The following USP4 variants were observed in gnomAD, a reference collection of about 807,000 sequenced individuals.
The protein encoded by USP4 is ubiquitin specific peptidase 4.
A neutral mutation model predicts 118.2 loss-of-function variants in USP4; 72 were observed. The observed-to-expected ratio is 0.61, with a 90% CI of 0.50 to 0.74. The LOEUF (loss-of-function observed/expected upper bound fraction) is 0.74, where lower values mean the gene tolerates loss of function less well. USP4 is among the 30% of genes least tolerant of loss of function. USP4 has a pLI of 0.00. For missense variants in USP4, 1,037 were observed against 1,185.7 expected, an observed-to-expected ratio of 0.87 and a Z score of 1.84; for synonymous variants, 415 against 440.4, an observed-to-expected ratio of 0.94 and a Z score of 0.72.
At chr3:49,319,118 G>C (rs1164467079) in intron 6 of USP4, among the ~76,000 whole-genome samples, 1 of 150,600 alleles carries the variant, frequency 6.6e-6, no homozygotes, top group South Asian at 2.1e-4. Context: ...CTCCTGCTTG[G>C]GTGACAGAGC....
intron 6 of USP4, chr3:49,311,926 A>G (rs1025877339): frequency 6.3e-5 from 72 of 1,143,854 alleles, no homozygotes; most frequent in South Asian, 8.0e-5. Context: ...TCGTGCCTGT[A>G]ATCCTAGTAC....
At chr3:49,333,617 A>AG (rs2047641655) in intron 2 of USP4, among the ~76,000 whole-genome samples, 1 of 152,040 alleles carries the variant, frequency 6.6e-6, no homozygotes, top group Non-Finnish European at 1.5e-5. Context: ...AAGCCTGAGG[A>AG]GAGAGAGAGA....
intron 9 of USP4, among the ~76,000 whole-genome samples, chr3:49,305,053 C>G (rs908379623): frequency 2.0e-5 from 3 of 149,518 alleles, no homozygotes; most frequent in Non-Finnish European, 4.4e-5. Context: ...TGAGCCACCA[C>G]GCCTGGACTT....
rs764267076 is a variant in USP4, at chr3:49,297,906, CCTT to C, written c.1652_1654del (p.Glu551del). 6.2e-7 allele frequency: 1 copy of C among 1,614,114 alleles called. No homozygotes were observed. The highest frequency in any genetic ancestry group is 1.1e-5 in the South Asian group (1 of 91,080). On this transcript the variant is annotated inframe_deletion, in exon 13 of 22. Coordinates refer to ENST00000265560, the MANE Select transcript of USP4 (RefSeq NM_003363.4). ...ATCCCGAGGCATGATGTGGTTTAAACCTTCATCCATTTGGAAAATTTTGTGGAA... is the reference window on the plus strand; with the variant it reads ...ATCCCGAGGCATGATGTGGTTTAAACCATCCATTTGGAAAATTTTGTGGAA...
At chr3:49,293,741 A>G (rs1411562299) in intron 14 of USP4, 1 of 152,146 alleles carries the variant, frequency 6.6e-6, no homozygotes, top group East Asian at 1.9e-4. Context: ...CTCGAGTCTT[A>G]TGTGAAAGTC....
At chr3:49,315,089 A>T (rs9881860) in intron 6 of USP4, among the ~76,000 whole-genome samples, 120,629 of 151,746 alleles carry the variant, frequency 0.79, 48,308 homozygotes, top group East Asian at 0.99. Flanking sequence ...CTTGAAAATT[A>T]ACACAGTAAG....
intron 15 of USP4, among the ~76,000 whole-genome samples, chr3:49,289,846 C>T (rs977861134): frequency 5.9e-5 from 9 of 152,246 alleles, no homozygotes; most frequent in Admixed American, 5.9e-4. Context: ...CGGCTCACGC[C>T]TATGATCCCA....
intron 6 of USP4, among the ~76,000 whole-genome samples, chr3:49,321,734 C>T (rs753506282): frequency 1.2e-4 from 18 of 151,974 alleles, no homozygotes; most frequent in Non-Finnish European, 2.1e-4. Context: ...TGGCTTATGC[C>T]TGTAATCCCA....
At chr3:49,283,950 T>C in intron 19 of USP4, 37 bp downstream of exon 19, 2 of 1,605,062 alleles carry the variant, frequency 1.2e-6, no homozygotes, top group South Asian at 2.2e-5. Context: ...TCTGCCTGTT[T>C]TTAAATGTTC....
intron 6 of USP4, chr3:49,313,723 AG>A (rs1231710204): frequency 6.6e-6 from 1 of 152,222 alleles, no homozygotes; most frequent in Non-Finnish European, 1.5e-5. Context: ...AATATTTTTC[AG>A]GCTCTTATTT....
chr3:49,310,234 A>G (rs2047370219), intron 8 of USP4, among the ~76,000 whole-genome samples: 1 of 152,048 alleles, frequency 6.6e-6, no homozygotes, highest in Non-Finnish European at 1.5e-5. Flanking sequence ...TGGGACAGCT[A>G]TTTTTAGTGA....
intron 19 of USP4, among the ~76,000 whole-genome samples, chr3:49,281,215 C>T (rs536989970): frequency 2.6e-5 from 4 of 151,470 alleles, no homozygotes; most frequent in South Asian, 2.1e-4. Context: ...CCAGCACTTT[C>T]GGAGGCCAAG....
rs1342122514 is a variant in USP4 at position 49,324,884 on chromosome 3, G to A, written c.633+10C>T. The A allele has an allele frequency of 6.2e-7, 1 of 1,614,078 alleles. No individual in the cohort carries two copies. The highest frequency in any genetic ancestry group is 1.1e-5 in the South Asian group (1 of 91,084). On this transcript the variant is annotated intron_variant, in intron 5 of 21. Transcript: ENST00000265560. ...AGCTACCTGCTGGGGAATGGCCAGG[G>A]CCCTCCTACCTGACCCTGGTATAGC...
rs552549819 is a variant in USP4 at position 49,297,745 on chromosome 3, A to G, written c.1691+125T>C. 3 of 739,576 alleles carry G rather than the reference A, an allele frequency of 4.1e-6. No individual in the cohort carries two copies. The Admixed American group carries it at 6.7e-5, about 17-fold the overall frequency. 45.8% of individuals were successfully genotyped at this position (739,576 alleles called of 1,614,324 possible). ...CCCTCAATACCCATCTCTTGCACCC[A>G]GGGGTCAGGGCCAATCCACATGAGC... On this transcript the variant is annotated intron_variant, in intron 13 of 21. Coordinates refer to ENST00000265560, the MANE Select transcript of USP4 (RefSeq NM_003363.4).
intron 10 of USP4, 67 bp downstream of exon 10, chr3:49,302,317 T>G: frequency 6.4e-7 from 1 of 1,553,374 alleles, no homozygotes; most frequent in South Asian, 1.2e-5. Context: ...CAGAAGAATA[T>G]CCCTGCACTC....
chr3:49,302,694 A>T, intron 9 of USP4, 152 bp from the exon 10 acceptor site: 9 of 725,192 alleles, frequency 1.2e-5, no homozygotes, highest in Non-Finnish European at 2.0e-5. Context: ...TGAAGAGCCT[A>T]CAGGAGGCCA....
chr3:49,296,527 T>C (rs1396097099), intron 13 of USP4, among the ~76,000 whole-genome samples: 1 of 151,008 alleles, frequency 6.6e-6, no homozygotes, highest in Non-Finnish European at 1.5e-5. Flanking sequence ...CGGGTGCCTG[T>C]AGTCCCAGCT....
intron 2 of USP4, among the ~76,000 whole-genome samples, chr3:49,331,777 A>G (rs76829504): frequency 0.035 from 5,335 of 152,210 alleles, 319 homozygotes; most frequent in African/African-American, 0.12. Flanking sequence ...AATGAGCACT[A>G]GCTTCAAACT....
chr3:49,294,309 A>G (rs2047180679), intron 14 of USP4, 98 bp downstream of exon 14: 1 of 1,300,964 alleles, frequency 7.7e-7, no homozygotes, highest in African/African-American at 1.5e-5. Flanking sequence ...AGAGGTGAGC[A>G]TGTAGGATCA....
Sources: gnomAD v4.1 joint callset for allele counts (sites outside exome capture counted in the v4.1 genomes callset) on GRCh38, gnomAD v4.1.1 for gene constraint, MANE v1.5 for transcripts, NCBI Gene and HGNC (gene_info 2026-07-23, HGNC 2026-07-21) for gene names.